The following G3BP1 variants were observed in gnomAD, a reference collection of about 807,000 sequenced individuals.
G3BP1 encodes ras GTPase-activating protein-binding protein 1.
G3BP1 carries 35 observed loss-of-function variants against 58.6 expected under a neutral mutation model. The ratio of observed to expected loss-of-function variants is 0.60; its 90% CI spans 0.46 to 0.79. G3BP1 has a LOEUF of 0.79. Among genes scored for constraint, G3BP1 ranks in the 30% least tolerant of loss-of-function variants. The probability of loss-of-function intolerance (pLI) is 0.00; values close to 1 mark genes in which losing one functional copy is unlikely to be tolerated. For synonymous variants in G3BP1, 191 were observed against 195.4 expected, an observed-to-expected ratio of 0.98 and a Z score of 0.19; for missense variants, 523 against 580.8, an observed-to-expected ratio of 0.90 and a Z score of 1.02.
chr5:151,795,251 C>G (rs1762730013), intron 5 of G3BP1, among the ~76,000 whole-genome samples: 1 of 152,154 alleles, frequency 6.6e-6, no homozygotes, highest in South Asian at 2.1e-4. Context: ...ACTCTCTAGC[C>G]TGGGCGAGAG....
intron 10 of G3BP1, among the ~76,000 whole-genome samples, 181 bp from the exon 11 acceptor site, chr5:151,800,579 C>T (rs41290589): frequency 0.023 from 3,506 of 152,214 alleles, 60 homozygotes; most frequent in Non-Finnish European, 0.034. Context: ...TCTTTGAAAT[C>T]CAAATGTGCC....
chr5:151,773,613 C>T (rs1762316341), intron 1 of G3BP1, among the ~76,000 whole-genome samples: 1 of 152,152 alleles, frequency 6.6e-6, no homozygotes, highest in Non-Finnish European at 1.5e-5. Flanking sequence ...TATAGAAACA[C>T]TTCTATAAAC....
intron 2 of G3BP1, among the ~76,000 whole-genome samples, chr5:151,789,329 A>G (rs1239164957): frequency 3.9e-5 from 6 of 152,054 alleles, no homozygotes; most frequent in African/African-American, 1.4e-4. Flanking sequence ...AGATTGCGCC[A>G]TGGCACTCCA....
rs533307474 is a variant in G3BP1, at chr5:151,809,710, T to A, written c.*5619T>A. 2 of 152,306 alleles carry A rather than the reference T, an allele frequency of 1.3e-5. No homozygotes were observed. Among genetic ancestry groups the A allele is most frequent in the Middle Eastern group, 3.4e-3 (1 of 294 alleles). 9.4% of individuals were successfully genotyped at this position (152,306 alleles called of 1,614,324 possible). A position where few individuals can be genotyped will look rare whatever the true frequency, so the allele number is the denominator to read the frequency against. ...CCCAAATCTGCTTTTAGAAGTAATATGGTGATCATCAGTTTAGATTCACTG... is the reference window on the plus strand; with the variant it reads ...CCCAAATCTGCTTTTAGAAGTAATAAGGTGATCATCAGTTTAGATTCACTG... On this transcript the variant is annotated 3_prime_UTR_variant, in exon 12 of 12. Transcript: ENST00000356245.
Position 151,795,573 on chromosome 5 carries a change from C to T in G3BP1, c.537C>T (p.Val179=). 1.3e-6 allele frequency: 2 copies of T among 1,557,968 alleles called. No individual in the cohort carries two copies. The highest frequency in any genetic ancestry group is 1.4e-5 in the African/African-American group (1 of 73,830). The change falls in exon 6 of 12, where the codon GTC becomes GTT. Residue 179 remains valine (V), a splice_region_variant and synonymous_variant. Transcript: ENST00000356245. ...DSGTFYDQAV[V]SNDMEEHLEE... The stretch of plus-strand genomic sequence containing the variant: ...GAACTTTCTATGATCAGGCAGTTGT[C>T]AGGTAAGAAGATTTTGTTCACATGT...
chr5:151,791,639 A>G (rs922918963), intron 4 of G3BP1: 1 of 156,652 alleles, frequency 6.4e-6, no homozygotes, highest in Non-Finnish European at 1.4e-5. Context: ...TGCCACTGTA[A>G]AGTTAAATAT....
intron 9 of G3BP1, 96 bp from the exon 10 acceptor site, chr5:151,800,122 G>C: frequency 7.7e-7 from 1 of 1,296,862 alleles, no homozygotes; most frequent in South Asian, 1.3e-5. Flanking sequence ...GGAATTACCT[G>C]TTTTTAGTGT....
intron 2 of G3BP1, among the ~76,000 whole-genome samples, chr5:151,788,570 A>ATGTGTGTGTGTGTGTGTGTGTG (rs201430384): frequency 3.2e-5 from 3 of 93,126 alleles, no homozygotes; most frequent in South Asian, 3.4e-4. Flanking sequence ...AGCTAAGTTT[A>ATGTGTGTGTGTGTGTGTGTGTG]TATGTGTGTG....
At chr5:151,799,387 G>A in intron 8 of G3BP1, 74 bp downstream of exon 8, 1 of 830,674 alleles carries the variant, frequency 1.2e-6, no homozygotes. Flanking sequence ...CAGAGGTTTA[G>A]AGAATGTGAA....
intron 7 of G3BP1, 42 bp from the exon 8 acceptor site, chr5:151,799,170 G>T: frequency 1.1e-6 from 1 of 949,082 alleles, no homozygotes; most frequent in South Asian, 1.3e-5. Flanking sequence ...ATATTGTTTT[G>T]ATACCTGGTA....
rs1206006676 is a variant in G3BP1 at position 151,804,980 on chromosome 5, T to C, written c.*889T>C. 6.6e-6 allele frequency: 1 copy of C among 152,630 alleles called. No homozygotes were observed. The highest frequency in any genetic ancestry group is 1.5e-5 in the Non-Finnish European group (1 of 68,032). 9.5% of individuals were successfully genotyped at this position (152,630 alleles called of 1,614,324 possible). ...TAGGTTCAGAGTATGTGGGGAATTA[T>C]AGAATCCCTCTTTCATCACTTTGTG... On this transcript the variant is annotated 3_prime_UTR_variant, in exon 12 of 12. Coordinates refer to ENST00000356245, the MANE Select transcript of G3BP1 (RefSeq NM_005754.3).
At chr5:151,779,323 T>C (rs1327279915) in intron 1 of G3BP1, among the ~76,000 whole-genome samples, 1 of 152,240 alleles carries the variant, frequency 6.6e-6, no homozygotes, top group Non-Finnish European at 1.5e-5. Flanking sequence ...GAGTTAAATT[T>C]TGTATGTGGT....
chr5:151,799,664 G>A (rs1451939461), intron 8 of G3BP1, among the ~76,000 whole-genome samples: 1 of 151,138 alleles, frequency 6.6e-6, no homozygotes, highest in Non-Finnish European at 1.5e-5. Flanking sequence ...CATCATGGGC[G>A]ACATACTGAG....
intron 6 of G3BP1, 45 bp from the exon 7 acceptor site, chr5:151,797,182 A>C: frequency 6.3e-7 from 1 of 1,592,406 alleles, no homozygotes. Context: ...TTTTTTGTGA[A>C]ATAAATGGTG....
chr5:151,793,484 A>G (rs1244469864), intron 4 of G3BP1, among the ~76,000 whole-genome samples: 1 of 152,086 alleles, frequency 6.6e-6, no homozygotes, highest in Non-Finnish European at 1.5e-5. Context: ...CAGTTTTTGG[A>G]TATTTATCTT....
In G3BP1 at chr5:151,807,930, CT is replaced by C. The variant is rs1286433184; in HGVS notation, c.*3842del. 1 of 152,152 alleles carries C rather than the reference CT, an allele frequency of 6.6e-6. No homozygotes were observed. The highest frequency in any genetic ancestry group is 1.5e-5 in the Non-Finnish European group (1 of 68,034). 9.4% of individuals were successfully genotyped at this position (152,152 alleles called of 1,614,324 possible). On this transcript the variant is annotated 3_prime_UTR_variant, in exon 12 of 12. Coordinates refer to ENST00000356245, the MANE Select transcript of G3BP1 (RefSeq NM_005754.3). ...TTCTTTTTGTGCTACTTAAAGGAAT[CT>C]TTGCAATGCTGCATATAGATAATTG...
chr5:151,790,995 T>C lies in G3BP1; in HGVS notation c.284T>C (p.Met95Thr). Reference protein sequence around the residue: ...TLNDGVVVQVMGLLSNNNQAL... With the variant: ...TLNDGVVVQVTGLLSNNNQAL... ...AATGATGGTGTGGTAGTCCAGGTGATGGGGCTTCTCTCTAACAACAACCAG... is the reference window on the plus strand; with the variant it reads ...AATGATGGTGTGGTAGTCCAGGTGACGGGGCTTCTCTCTAACAACAACCAG... Residue 95 changes from methionine to threonine, a missense_variant, in exon 4 of 12, where the codon ATG (methionine) becomes ACG (threonine). Coordinates refer to ENST00000356245, the MANE Select transcript of G3BP1 (RefSeq NM_005754.3). 6.2e-7 allele frequency: 1 copy of C among 1,613,650 alleles called. No homozygotes were observed. The highest frequency in any genetic ancestry group is 1.7e-5 in the Admixed American group (1 of 60,016).
In G3BP1 at chr5:151,809,214, G is replaced by A. The variant is rs759998685; in HGVS notation, c.*5123G>A. 20 of 152,016 alleles carry A rather than the reference G, an allele frequency of 1.3e-4. No individual in the cohort carries two copies. The highest frequency in any genetic ancestry group is 2.6e-4 in the Non-Finnish European group (18 of 68,020). The allele number at this position is 152,016 out of a possible 1,614,324, so 9.4% of individuals were successfully genotyped here. A position where few individuals can be genotyped will look rare whatever the true frequency, so the allele number is the denominator to read the frequency against. ...ATTAGAAAACAACAAAAACCACTTC[G>A]GTTACTCACTGTCCTCATGCTTTGA... is the stretch of plus-strand genomic sequence containing the variant. On this transcript the variant is annotated 3_prime_UTR_variant, in exon 12 of 12. Coordinates refer to ENST00000356245, the MANE Select transcript of G3BP1 (RefSeq NM_005754.3).
chr5:151,780,342 T>A (rs1368389668), intron 1 of G3BP1, among the ~76,000 whole-genome samples: 1 of 152,192 alleles, frequency 6.6e-6, no homozygotes, highest in African/African-American at 2.4e-5. Context: ...TTATATGATA[T>A]TATATTTTCT....
Sources: allele counts gnomAD v4.1 joint callset (sites outside exome capture counted in the v4.1 genomes callset), GRCh38; gene constraint gnomAD v4.1.1; transcripts MANE v1.5; gene names NCBI Gene and HGNC (gene_info 2026-07-23, HGNC 2026-07-21).